Variants in WDFY3 observed in about 807,000 individuals in gnomAD.
The protein encoded by WDFY3 is WD repeat and FYVE domain-containing protein 3.
In WDFY3, 66 loss-of-function variants were observed where a neutral mutation model predicts 409.6. The ratio of observed to expected loss-of-function variants is 0.16; its 90% confidence interval spans 0.13 to 0.20. The LOEUF (loss-of-function observed/expected upper bound fraction) is 0.20. Among genes scored for constraint, WDFY3 ranks in the 10% least tolerant of loss-of-function variants. The pLI is 1.00. For missense variants in WDFY3, 3,031 were observed against 4,298.1 expected, an observed-to-expected ratio of 0.71 and a Z score of 8.24; for synonymous variants, 1,521 against 1,537.1, an observed-to-expected ratio of 0.99 and a Z score of 0.25.
intron 65 of WDFY3, 127 bp downstream of exon 65, chr4:84,678,792 G>T: frequency 9.8e-7 from 1 of 1,022,458 alleles, no homozygotes; most frequent in Non-Finnish European, 1.4e-6. Flanking sequence ...GGCATTCTGT[G>T]TGAGTGGCCC....
rs372962536 is a variant in WDFY3 at position 84,885,313 on chromosome 4, C to T, written c.-32+11598G>A. Among the ~76,000 whole-genome samples, 17 of 135,694 alleles carry T rather than the reference C, an allele frequency of 1.3e-4. No individual in the cohort carries two copies. The East Asian group carries it at 2.4e-3, about 19-fold the overall frequency. 89.0% of individuals were successfully genotyped at this position (135,694 alleles called of 152,430 possible). A position where few individuals can be genotyped will look rare whatever the true frequency, so the allele number is the denominator to read the frequency against. On this transcript the variant is annotated intron_variant, in intron 3 of 67. Coordinates refer to ENST00000295888, the MANE Select transcript of WDFY3 (RefSeq NM_014991.6). ...AGCCACCACGCCTGGCAAATATATA[C>T]ATACATACATATACATATGTGTGTG...
rs1247925982 is a variant in WDFY3, at chr4:84,692,985, A to G, written c.8949T>C (p.Asn2983=). 8.1e-6 allele frequency: 13 copies of G among 1,612,088 alleles called. No individual in the cohort carries two copies. Among genetic ancestry groups the G allele is most frequent in the African/African-American group, 1.3e-5 (1 of 74,870 alleles). The part of the protein sequence containing the change: ...HPPKRVRSRL[N]GDNAGISVLP... ...GGACAGAGATTCCTGCATTGTCTCC[A>G]TTGAGTCGACTTCTCACTCGCTTTG... is the stretch of plus-strand genomic sequence containing the variant. Residue 2983 remains asparagine, a synonymous_variant, in exon 59 of 68, where the codon AAT becomes AAC. Transcript: ENST00000295888.
intron 1 of WDFY3, among the ~76,000 whole-genome samples, chr4:84,943,421 G>T (rs6815917): frequency 6.6e-6 from 1 of 151,644 alleles, no homozygotes; most frequent in African/African-American, 2.4e-5. Flanking sequence ...GGAGAATGGC[G>T]TGAACCAGGG....
At chr4:84,803,224 A>C in intron 16 of WDFY3, 66 bp downstream of exon 16, 1 of 1,467,812 alleles carries the variant, frequency 6.8e-7, no homozygotes. Context: ...TAGCTCATAT[A>C]ATCATACTCA....
intron 8 of WDFY3, among the ~76,000 whole-genome samples, chr4:84,830,846 C>A (rs1755604320): frequency 6.6e-6 from 1 of 152,102 alleles, no homozygotes; most frequent in Non-Finnish European, 1.5e-5. Context: ...ACTTTCATTA[C>A]ATTATGATTG....
chr4:84,959,552 T>C (rs183917527), intron 1 of WDFY3, among the ~76,000 whole-genome samples: 5 of 152,298 alleles, frequency 3.3e-5, no homozygotes, highest in East Asian at 1.9e-4. Context: ...CTTAATTAAA[T>C]GTGAGACGTG....
At chr4:84,847,012 A>G (rs1404188087) in intron 5 of WDFY3, among the ~76,000 whole-genome samples, 1 of 152,126 alleles carries the variant, frequency 6.6e-6, no homozygotes, top group Non-Finnish European at 1.5e-5. Context: ...TGTGGGCCCT[A>G]GACCAGAGGT....
chr4:84,789,813 A>G lies in WDFY3; in HGVS notation c.3582T>C (p.His1194=). 6.2e-7 allele frequency: 1 copy of G among 1,614,096 alleles called. No homozygotes were observed. The highest frequency in any genetic ancestry group is 1.3e-5 in the African/African-American group (1 of 75,000). The part of the protein sequence containing the change: ...CGELIIEGQW[H]HLVLVMSKGM... ...CTTTGCTCATTACCAGGACCAAATGATGCCACTGTCCCTCAATGATAAGCT... is the reference window on the plus strand; with the variant it reads ...CTTTGCTCATTACCAGGACCAAATGGTGCCACTGTCCCTCAATGATAAGCT... The change falls in exon 22 of 68, where the codon CAT becomes CAC. Residue 1194 remains histidine (H), a synonymous_variant. Coordinates refer to ENST00000295888, the MANE Select transcript of WDFY3 (RefSeq NM_014991.6).
chr4:84,707,523 G>A (rs1474390482), intron 53 of WDFY3, among the ~76,000 whole-genome samples: 3 of 152,154 alleles, frequency 2.0e-5, no homozygotes, highest in Non-Finnish European at 2.9e-5. Flanking sequence ...AATACACGGT[G>A]AAGGTCAGAA....
intron 45 of WDFY3, among the ~76,000 whole-genome samples, chr4:84,725,829 A>C (rs1735568626): frequency 6.6e-6 from 1 of 152,136 alleles, no homozygotes; most frequent in African/African-American, 2.4e-5. Flanking sequence ...ATGTAGAATG[A>C]GATACTGAAC....
chr4:84,762,904 GA>G (rs1742931519), intron 32 of WDFY3, among the ~76,000 whole-genome samples: 1 of 151,926 alleles, frequency 6.6e-6, no homozygotes, highest in Non-Finnish European at 1.5e-5. Context: ...TTGAGCCCAG[GA>G]GCTTAAGTCT....
chr4:84,691,386 T>C (rs1246832060), intron 60 of WDFY3, among the ~76,000 whole-genome samples: 1 of 152,178 alleles, frequency 6.6e-6, no homozygotes, highest in Non-Finnish European at 1.5e-5. Flanking sequence ...TGCTAGCCCC[T>C]GTTACACAAC....
intron 32 of WDFY3, among the ~76,000 whole-genome samples, chr4:84,760,933 G>C (rs1742461788): frequency 6.8e-6 from 1 of 146,138 alleles, no homozygotes; most frequent in Non-Finnish European, 1.5e-5. Flanking sequence ...GCTTTCTCTT[G>C]TGGGCATTTA....
intron 1 of WDFY3, among the ~76,000 whole-genome samples, chr4:84,934,675 A>T (rs1009717452): frequency 7.9e-5 from 12 of 152,086 alleles, no homozygotes; most frequent in Non-Finnish European, 5.9e-5. Context: ...TACATACAAC[A>T]ATTATTTGGA....
chr4:84,809,317 A>G, intron 14 of WDFY3: 1 of 151,446 alleles, frequency 6.6e-6, no homozygotes, highest in South Asian at 2.1e-4. Context: ...TGTAGAGCTG[A>G]ATCCTCAATG....
chr4:84,709,341 C>G lies in WDFY3; in HGVS notation c.8049G>C (p.Gly2683=). 6.2e-7 allele frequency: 1 copy of G among 1,609,274 alleles called. No homozygotes were observed. Among genetic ancestry groups the G allele is most frequent in the Middle Eastern group, 1.7e-4 (1 of 6,040 alleles). ...TCTCTCCAACCAAAGTGCTAAGTAA[C>G]CCAGATCTAAAAGCAATACATAATA... ...RPNTSVEQGS[G]LLSTLVGEKS... is the part of the protein sequence containing the mutation. Residue 2683 remains glycine, a synonymous_variant, in exon 52 of 68, where the codon GGG becomes GGC. Coordinates refer to ENST00000295888, the MANE Select transcript of WDFY3 (RefSeq NM_014991.6).
chr4:84,721,799 A>T (rs565328126), intron 46 of WDFY3, among the ~76,000 whole-genome samples: 1 of 152,336 alleles, frequency 6.6e-6, no homozygotes, highest in East Asian at 1.9e-4. Context: ...CTGGGACAAG[A>T]GCCAGGTGTG....
chr4:84,773,625 AG>A (rs1460562058), intron 29 of WDFY3, among the ~76,000 whole-genome samples: 1 of 152,252 alleles, frequency 6.6e-6, no homozygotes, highest in Non-Finnish European at 1.5e-5. Flanking sequence ...TTACAATGCT[AG>A]GAATTGCTTT....
At chr4:84,823,833 T>C (rs1754443224) in intron 10 of WDFY3, among the ~76,000 whole-genome samples, 1 of 152,176 alleles carries the variant, frequency 6.6e-6, no homozygotes, top group Non-Finnish European at 1.5e-5. Context: ...AATGCAAAAA[T>C]TGGACAGCCA....
Sources: allele counts gnomAD v4.1 joint callset (sites outside exome capture counted in the v4.1 genomes callset), GRCh38; gene constraint gnomAD v4.1.1; transcripts MANE v1.5; gene names NCBI Gene and HGNC (gene_info 2026-07-23, HGNC 2026-07-21).